The following NCALD variants were observed in gnomAD, a reference collection of about 807,000 sequenced individuals.
NCALD encodes the protein neurocalcin-delta.
NCALD carries 10 observed loss-of-function variants against 18.6 expected under a neutral mutation model. That is an observed-to-expected ratio of 0.54 (90% CI 0.33 to 0.91). NCALD has a LOEUF of 0.91. Ranked by LOEUF, NCALD falls within the 40% of genes least tolerant of loss-of-function variation. The pLI is 0.03. For missense variants in NCALD, 184 were observed against 247.6 expected, an observed-to-expected ratio of 0.74 and a Z score of 1.72; for synonymous variants, 88 against 87.4, an observed-to-expected ratio of 1.01 and a Z score of -0.04.
At chr8:101,990,589 A>T (rs557162408) in intron 2 of NCALD, among the ~76,000 whole-genome samples, 2 of 152,158 alleles carry the variant, frequency 1.3e-5, no homozygotes, top group South Asian at 4.2e-4. Context: ...ATGACATCTG[A>T]TGGTTTTATA....
At chr8:102,053,219 T>A (rs574964310) in intron 1 of NCALD, among the ~76,000 whole-genome samples, 7 of 152,330 alleles carry the variant, frequency 4.6e-5, no homozygotes, top group African/African-American at 1.7e-4. Flanking sequence ...AATTCAGACC[T>A]AATGAAGAAA....
At chr8:102,097,562 C>A (rs761986545) in intron 1 of NCALD, among the ~76,000 whole-genome samples, 1 of 152,172 alleles carries the variant, frequency 6.6e-6, no homozygotes, top group Non-Finnish European at 1.5e-5. Context: ...TCAGAAGTTG[C>A]GTGGGTCATG....
intron 1 of NCALD, among the ~76,000 whole-genome samples, chr8:102,090,655 G>A (rs1294483039): frequency 4.6e-5 from 7 of 152,024 alleles, no homozygotes; most frequent in African/African-American, 7.2e-5. Context: ...CTTTTCTTTT[G>A]AGCTATTTAT....
chr8:101,805,730 G>T (rs1813075483), intron 4 of NCALD, among the ~76,000 whole-genome samples: 1 of 152,156 alleles, frequency 6.6e-6, no homozygotes, highest in Admixed American at 6.5e-5. Context: ...TGGAGATTTT[G>T]ATGGTAAACA....
chr8:101,872,501 T>C (rs1194318159), intron 4 of NCALD: 7 of 768,046 alleles, frequency 9.1e-6, no homozygotes, highest in Non-Finnish European at 9.4e-6. Context: ...AAGATGCCCT[T>C]CTTGTCTAAG....
intron 2 of NCALD, among the ~76,000 whole-genome samples, chr8:101,958,049 G>A (rs1343359329): frequency 6.6e-6 from 1 of 152,130 alleles, no homozygotes; most frequent in Non-Finnish European, 1.5e-5. Context: ...AACTCTGATG[G>A]TATGATCCCA....
intron 1 of NCALD, among the ~76,000 whole-genome samples, chr8:101,767,416 C>T (rs1270141183): frequency 6.6e-6 from 1 of 152,132 alleles, no homozygotes; most frequent in East Asian, 1.9e-4. Flanking sequence ...AAAATCAGGT[C>T]TTAGGATGAC....
At chr8:101,776,472 T>G (rs1267958867) in intron 1 of NCALD, among the ~76,000 whole-genome samples, 1 of 152,102 alleles carries the variant, frequency 6.6e-6, no homozygotes, top group African/African-American at 2.4e-5. Context: ...TTTTTTAATA[T>G]TAAGTTTGCA....
intron 1 of NCALD, among the ~76,000 whole-genome samples, chr8:102,113,817 T>A (rs1369694616): frequency 6.6e-6 from 1 of 152,242 alleles, no homozygotes; most frequent in African/African-American, 2.4e-5. Context: ...GCACTTATAT[T>A]AGTTTTTTAA....
chr8:101,843,913 T>G (rs1190390342), intron 4 of NCALD, among the ~76,000 whole-genome samples: 1 of 152,166 alleles, frequency 6.6e-6, no homozygotes, highest in Non-Finnish European at 1.5e-5. Flanking sequence ...AAATGTTAAA[T>G]TATGAAATAT....
chr8:101,980,770 C>CGAG (rs1160991600), intron 2 of NCALD, among the ~76,000 whole-genome samples: 23 of 152,230 alleles, frequency 1.5e-4, no homozygotes, highest in African/African-American at 5.5e-4. Flanking sequence ...AGCAGGTTAC[C>CGAG]CATGAAAGCA....
intron 2 of NCALD, among the ~76,000 whole-genome samples, chr8:101,956,637 GAC>G (rs1263411683): frequency 6.6e-6 from 1 of 152,062 alleles, no homozygotes; most frequent in East Asian, 1.9e-4. Context: ...GAGAGAGACA[GAC>G]ACACAGAGAG....
At chr8:101,862,051 G>T (rs946910279) in intron 4 of NCALD, among the ~76,000 whole-genome samples, 14 of 152,174 alleles carry the variant, frequency 9.2e-5, no homozygotes, top group Non-Finnish European at 1.5e-4. Flanking sequence ...TCACCAGGCT[G>T]CCCTTAAGTA....
At chr8:102,122,366 A>G (rs1008733777) in intron 1 of NCALD, among the ~76,000 whole-genome samples, 1 of 152,240 alleles carries the variant, frequency 6.6e-6, no homozygotes, top group South Asian at 2.1e-4. Flanking sequence ...TCTAAAGGAA[A>G]TTAAGCAGAA....
At chr8:101,952,095 A>G (rs1819447733) in intron 2 of NCALD, among the ~76,000 whole-genome samples, 1 of 152,192 alleles carries the variant, frequency 6.6e-6, no homozygotes, top group Non-Finnish European at 1.5e-5. Context: ...GAATCCCTGG[A>G]AGATGCCGGG....
At chr8:101,838,377 A>G (rs1814500734) in intron 4 of NCALD, among the ~76,000 whole-genome samples, 2 of 152,114 alleles carry the variant, frequency 1.3e-5, no homozygotes, top group South Asian at 4.1e-4. Flanking sequence ...GTGCACCACA[A>G]TGCCCAGCTA....
intron 1 of NCALD, among the ~76,000 whole-genome samples, chr8:101,753,880 C>T: frequency 6.6e-6 from 1 of 152,182 alleles, no homozygotes; most frequent in East Asian, 1.9e-4. Context: ...AGCACTCTAC[C>T]TCTGGACTTC....
intron 2 of NCALD, among the ~76,000 whole-genome samples, chr8:101,979,111 C>G (rs1820526196): frequency 6.6e-6 from 1 of 152,130 alleles, no homozygotes; most frequent in Non-Finnish European, 1.5e-5. Context: ...AAGCAGAAGG[C>G]AGATTTTCAT....
At chr8:101,714,613 A>T (rs927208381) in intron 2 of NCALD, among the ~76,000 whole-genome samples, 3 of 152,266 alleles carry the variant, frequency 2.0e-5, no homozygotes, top group African/African-American at 4.8e-5. Flanking sequence ...GCTACCATTG[A>T]CTTTCTTCAC....
Sources: gnomAD v4.1 joint callset for allele counts (sites outside exome capture counted in the v4.1 genomes callset) on GRCh38, gnomAD v4.1.1 for gene constraint, MANE v1.5 for transcripts, NCBI Gene and HGNC (gene_info 2026-07-23, HGNC 2026-07-21) for gene names.